VPS26A: variants seen among roughly 807,000 people sequenced by gnomAD.
VPS26A encodes VPS26 retromer complex component A.
Under a neutral mutation model 42.4 loss-of-function variants are expected in VPS26A, and 22 were observed. The ratio of observed to expected loss-of-function variants is 0.52; its 90% CI spans 0.37 to 0.74. The LOEUF (loss-of-function observed/expected upper bound fraction) is 0.74, where lower values mean the gene tolerates loss of function less well. Ranked by LOEUF, VPS26A falls within the 30% of genes least tolerant of loss-of-function variation. The pLI is 0.00. For synonymous variants in VPS26A, 110 were observed against 123.5 expected (o/e 0.89, Z 0.73); for missense variants, 276 against 379.2 (o/e 0.73, Z 2.26).
Position 69,132,748 on chromosome 10 carries a change from T to C in VPS26A, c.4-150T>C, listed in dbSNP as rs946754890. The C allele has an allele frequency of 3.7e-5, 30 of 806,950 alleles. 1 individual carries two copies. The African/African-American group carries it at 3.8e-4, about 10-fold the overall frequency. 50.0% of individuals were successfully genotyped at this position (806,950 alleles called of 1,614,324 possible). ...GTGAGACACCATGCCCGGCCTTTGA[T>C]GTAGCATTTGATATATGTTTTTATC... On this transcript the variant is annotated intron_variant, in intron 1 of 8. Coordinates refer to ENST00000263559, the MANE Select transcript of VPS26A (RefSeq NM_004896.5).
At chr10:69,139,532 G>A (rs368442222) in intron 2 of VPS26A, among the ~76,000 whole-genome samples, 16 of 152,214 alleles carry the variant, frequency 1.1e-4, no homozygotes, top group African/African-American at 3.1e-4. Context: ...TCAAACTCCT[G>A]ACCTTGTGAT....
intron 2 of VPS26A, among the ~76,000 whole-genome samples, chr10:69,140,216 T>C (rs1488991645): frequency 6.6e-6 from 1 of 151,976 alleles, no homozygotes; most frequent in Non-Finnish European, 1.5e-5. Flanking sequence ...CACAGGCATG[T>C]GCCACTGTGC....
At chr10:69,144,029 CA>C (rs1841101715) in intron 2 of VPS26A, among the ~76,000 whole-genome samples, 1 of 152,182 alleles carries the variant, frequency 6.6e-6, no homozygotes, top group African/African-American at 2.4e-5. Flanking sequence ...CAGATTCTTA[CA>C]TAACTATATA....
intron 1 of VPS26A, among the ~76,000 whole-genome samples, chr10:69,132,230 A>C (rs1440299291): frequency 6.6e-6 from 1 of 152,220 alleles, no homozygotes; most frequent in Non-Finnish European, 1.5e-5. Context: ...TAATTTTTCA[A>C]GCCTAGCTGT....
In VPS26A at chr10:69,174,087, C is replaced by A. The variant is rs914779721; in HGVS notation, c.*2818C>A. On this transcript the variant is annotated 3_prime_UTR_variant, in exon 9 of 9. Transcript: ENST00000263559. ...CCACCCCCCAGCCAGCAGCGGCAAC[C>A]GGCTCGGGTCCCCCTCCATACTGTG... is the stretch of plus-strand genomic sequence containing the variant. 6.6e-6 allele frequency among the ~76,000 whole-genome samples: 1 copy of A among 152,214 alleles called. No homozygotes were observed. The highest frequency in any genetic ancestry group is 2.4e-5 in the African/African-American group (1 of 41,452).
intron 8 of VPS26A, chr10:69,169,925 T>A (rs897936613): frequency 1.3e-5 from 2 of 152,208 alleles, no homozygotes; most frequent in African/African-American, 4.8e-5. Context: ...AATTCTTTGT[T>A]TAATATAAAG....
intron 2 of VPS26A, among the ~76,000 whole-genome samples, chr10:69,133,901 A>G (rs536604586): frequency 6.6e-6 from 1 of 152,104 alleles, no homozygotes; most frequent in African/African-American, 2.4e-5. Context: ...TGCCCAGGCT[A>G]GTCTTGAACT....
At position 69,151,264 on chromosome 10, in the gene VPS26A, C is replaced by CAAAAAAAAAAAAAAAAAA. The variant is rs1192297497; in HGVS notation, c.154-4546_154-4529dup. On this transcript the variant is annotated intron_variant, in intron 2 of 8. Transcript: ENST00000263559. Reference sequence around the variant, plus strand: ...TGGGCAACAGAGTGAGACTCCATGTCAAAAAAAAAAAAAAAAAAACACACA... The same window carrying CAAAAAAAAAAAAAAAAAA: ...TGGGCAACAGAGTGAGACTCCATGTCAAAAAAAAAAAAAAAAAAAAAAAAAAAAAAAAAAAAACACACA... Among the ~76,000 whole-genome samples, 58 of 30,362 alleles carry CAAAAAAAAAAAAAAAAAA rather than the reference C, an allele frequency of 1.9e-3. 1 individual carries two copies. Among genetic ancestry groups the CAAAAAAAAAAAAAAAAAA allele is most frequent in the African/African-American group, 5.2e-3 (44 of 8,434 alleles). 19.9% of individuals were successfully genotyped at this position (30,362 alleles called of 152,430 possible). A position where few individuals can be genotyped will look rare whatever the true frequency, so the allele number is the denominator to read the frequency against.
At chr10:69,149,865 G>C (rs1216878175) in intron 2 of VPS26A, among the ~76,000 whole-genome samples, 1 of 146,942 alleles carries the variant, frequency 6.8e-6, no homozygotes, top group African/African-American at 2.6e-5. Context: ...TCTAGCCTCA[G>C]CTTCCTGAGT....
rs980011945 is a variant in VPS26A at position 69,155,489 on chromosome 10, CTGTT to C, written c.154-320_154-317del. ...ATGCTTTTATTAGTCATAGAATTAA[CTGTT>C]TGACCAGAAAACAAATATGGATAGT... On this transcript the variant is annotated intron_variant, in intron 2 of 8. Transcript: ENST00000263559. Among the ~76,000 whole-genome samples the C allele has an allele frequency of 2.2e-4, 33 of 152,186 alleles. 1 individual carries two copies. Among genetic ancestry groups the C allele is most frequent in the Admixed American group, 1.3e-4 (2 of 15,270 alleles).
chr10:69,159,609 ATC>A (rs1841507809), intron 5 of VPS26A, among the ~76,000 whole-genome samples: 1 of 152,186 alleles, frequency 6.6e-6, no homozygotes, highest in Non-Finnish European at 1.5e-5. Flanking sequence ...GACTTTACAT[ATC>A]TCTTATTTAA....
In VPS26A at chr10:69,174,314, G is replaced by A. The variant is rs1035752415; in HGVS notation, c.*3045G>A. 3.9e-5 allele frequency among the ~76,000 whole-genome samples: 6 copies of A among 152,326 alleles called. No homozygotes were observed. The highest frequency in any genetic ancestry group is 1.2e-4 in the African/African-American group (5 of 41,578). The stretch of plus-strand genomic sequence containing the variant: ...ATTACACTGAGGTGATCATGCCACT[G>A]CACTGTAGCTTGGGTGACAGAGACA... On this transcript the variant is annotated 3_prime_UTR_variant, in exon 9 of 9. Transcript: ENST00000263559.
chr10:69,146,928 C>G (rs1016987728), intron 2 of VPS26A, among the ~76,000 whole-genome samples: 1 of 152,146 alleles, frequency 6.6e-6, no homozygotes, highest in Non-Finnish European at 1.5e-5. Flanking sequence ...GTTTTAACTT[C>G]TGTTGGATCT....
chr10:69,162,371 A>G, intron 5 of VPS26A, 35 bp from the exon 6 acceptor site: 1 of 1,123,924 alleles, frequency 8.9e-7, no homozygotes, highest in Admixed American at 2.3e-5. Context: ...TTGTTTTTAA[A>G]CTGATATTTA....
intron 2 of VPS26A, among the ~76,000 whole-genome samples, chr10:69,153,059 T>C (rs1404637227): frequency 6.6e-6 from 1 of 151,334 alleles, no homozygotes; most frequent in African/African-American, 2.4e-5. Flanking sequence ...TTTTTTTTTT[T>C]CGGTTGGCGG....
intron 2 of VPS26A, 48 bp from the exon 3 acceptor site, chr10:69,155,764 C>T (rs1396229237): frequency 7.0e-7 from 1 of 1,430,536 alleles, no homozygotes; most frequent in Non-Finnish European, 9.8e-7. Context: ...TACTAGTAGG[C>T]CCACTCATAG....
intron 2 of VPS26A, among the ~76,000 whole-genome samples, chr10:69,144,787 A>T (rs986358446): frequency 6.6e-6 from 1 of 151,784 alleles, no homozygotes; most frequent in South Asian, 2.1e-4. Context: ...GGTGTTTTAT[A>T]TATCTAGATA....
intron 2 of VPS26A, among the ~76,000 whole-genome samples, chr10:69,147,096 A>G (rs538897830): frequency 9.9e-5 from 15 of 152,152 alleles, no homozygotes; most frequent in East Asian, 1.9e-4. Context: ...TAATATGTCT[A>G]TTTTTTATTA....
intron 3 of VPS26A, among the ~76,000 whole-genome samples, 174 bp from the exon 4 acceptor site, chr10:69,156,833 C>T (rs1399966696): frequency 6.6e-6 from 1 of 152,096 alleles, no homozygotes; most frequent in African/African-American, 2.4e-5. Flanking sequence ...TCTTTTATGC[C>T]TACATGAAGT....
Sources: allele counts gnomAD v4.1 joint callset (sites outside exome capture counted in the v4.1 genomes callset), GRCh38; gene constraint gnomAD v4.1.1; transcripts MANE v1.5; gene names NCBI Gene and HGNC (gene_info 2026-07-23, HGNC 2026-07-21).